MB21D2: variants seen among roughly 807,000 people sequenced by gnomAD.
MB21D2 encodes the protein Mab-21 domain containing 2.
A neutral mutation model predicts 33.3 loss-of-function variants in MB21D2; 9 were observed. That is an observed-to-expected ratio of 0.27 (90% CI 0.16 to 0.47). MB21D2 has a LOEUF of 0.47. Among genes scored for constraint, MB21D2 ranks in the 20% least tolerant of loss-of-function variants. The probability of loss-of-function intolerance (pLI) is 0.99; values close to 1 mark genes in which losing one functional copy is unlikely to be tolerated. For synonymous variants in MB21D2, 241 were observed against 236.3 expected, an observed-to-expected ratio of 1.02 and a Z score of -0.18; for missense variants, 540 against 624.6, an observed-to-expected ratio of 0.86 and a Z score of 1.44.
chr3:192,835,268 C>T (rs1712411018), intron 1 of MB21D2, among the ~76,000 whole-genome samples: 1 of 149,402 alleles, frequency 6.7e-6, no homozygotes, highest in Non-Finnish European at 1.5e-5. Context: ...TCCTGGCTAG[C>T]ACGGTGAAAC....
rs34835215 is a variant in MB21D2, at chr3:192,798,490, GTTTTTT to G, written c.1366_1371del (p.Lys456_Lys457del). 6.2e-7 allele frequency: 1 copy of G among 1,614,074 alleles called. No homozygotes were observed. ...GGGTTCTCAGTCACTAGCTGCTGCAGTTTTTTTGCCAAACGGTCATCAGGCTGGTTG... is the reference window on the plus strand; with the variant it reads ...GGGTTCTCAGTCACTAGCTGCTGCAGTGCCAAACGGTCATCAGGCTGGTTG... On this transcript the variant is annotated inframe_deletion, in exon 2 of 2. Coordinates refer to ENST00000392452, the MANE Select transcript of MB21D2 (RefSeq NM_178496.4). The surrounding 1 kb of genome is among the most constrained non-coding windows in gnomAD (Gnocchi z 4.8).
Position 192,799,682 on chromosome 3 carries a change from T to C in MB21D2, c.212-32A>G, listed in dbSNP as rs753299827. 27 of 1,587,734 alleles carry C rather than the reference T, an allele frequency of 1.7e-5. No homozygotes were observed. In the East Asian group the frequency reaches 6.1e-4, roughly 36 times the overall value. ...ATAAAGAAGAAAAAAACAACACTATTACAGGAAACACAGACATAAGAGTCT... is the reference window on the plus strand; with the variant it reads ...ATAAAGAAGAAAAAAACAACACTATCACAGGAAACACAGACATAAGAGTCT... On this transcript the variant is annotated intron_variant, in intron 1 of 1. Coordinates refer to ENST00000392452, the MANE Select transcript of MB21D2 (RefSeq NM_178496.4). The surrounding 1 kb of genome is among the most constrained non-coding windows in gnomAD (Gnocchi z 4.1).
intron 1 of MB21D2, among the ~76,000 whole-genome samples, chr3:192,874,822 G>A (rs749026674): frequency 6.6e-6 from 1 of 152,094 alleles, no homozygotes; most frequent in Admixed American, 6.6e-5. Context: ...TCCTCTGCAA[G>A]GTCAGTTGGG....
Position 192,895,666 on chromosome 3 carries a change from A to G in MB21D2, c.211+21964T>C, listed in dbSNP as rs114964305. Reference sequence around the variant, plus strand: ...TGGAAAATCTAGCTTTTGTTTATTTATAAGACATTTAGAAAATCACTAGAA... The same window carrying G: ...TGGAAAATCTAGCTTTTGTTTATTTGTAAGACATTTAGAAAATCACTAGAA... On this transcript the variant is annotated intron_variant, in intron 1 of 1. Coordinates refer to ENST00000392452, the MANE Select transcript of MB21D2 (RefSeq NM_178496.4). 3.1e-3 allele frequency among the ~76,000 whole-genome samples: 472 copies of G among 152,358 alleles called. 2 individuals are homozygous for G. Among genetic ancestry groups the G allele is most frequent in the African/African-American group, 0.011 (459 of 41,580 alleles).
At chr3:192,822,936 C>T (rs971416269) in intron 1 of MB21D2, among the ~76,000 whole-genome samples, 7 of 152,254 alleles carry the variant, frequency 4.6e-5, no homozygotes, top group East Asian at 3.9e-4. Flanking sequence ...CACCTGAAAA[C>T]GTGTAAACCT....
intron 1 of MB21D2, among the ~76,000 whole-genome samples, chr3:192,828,392 G>A (rs1343609971): frequency 6.6e-6 from 1 of 151,178 alleles, no homozygotes; most frequent in Non-Finnish European, 1.5e-5. Context: ...TGGGACAGGA[G>A]GCCAAGGATC....
At chr3:192,851,169 T>C (rs1187880875) in intron 1 of MB21D2, among the ~76,000 whole-genome samples, 1 of 152,108 alleles carries the variant, frequency 6.6e-6, no homozygotes, top group Non-Finnish European at 1.5e-5. Flanking sequence ...CACCATAGAA[T>C]AGAATTAAGC....
At chr3:192,884,571 G>C (rs552055763) in intron 1 of MB21D2, among the ~76,000 whole-genome samples, 2 of 152,086 alleles carry the variant, frequency 1.3e-5, no homozygotes, top group South Asian at 2.1e-4. Context: ...GTTTCACCGT[G>C]TTAGCCAGGA....
At chr3:192,807,443 A>C (rs1422742325) in intron 1 of MB21D2, among the ~76,000 whole-genome samples, 1 of 152,198 alleles carries the variant, frequency 6.6e-6, no homozygotes, top group Non-Finnish European at 1.5e-5. Context: ...GATCTTCCCA[A>C]GAACCCATAA....
intron 1 of MB21D2, among the ~76,000 whole-genome samples, chr3:192,801,853 A>G (rs538806362): frequency 2.1e-4 from 32 of 152,270 alleles, no homozygotes; most frequent in African/African-American, 6.0e-4. Context: ...TTAAAATCCT[A>G]TTTTCCAAAC....
chr3:192,838,978 G>A (rs1373918273), intron 1 of MB21D2, among the ~76,000 whole-genome samples: 1 of 152,132 alleles, frequency 6.6e-6, no homozygotes, highest in African/African-American at 2.4e-5. Flanking sequence ...AAAAGCCTGG[G>A]TTTGAGACCC....
At chr3:192,831,585 C>A (rs1388426690) in intron 1 of MB21D2, among the ~76,000 whole-genome samples, 1 of 152,084 alleles carries the variant, frequency 6.6e-6, no homozygotes, top group Non-Finnish European at 1.5e-5. Flanking sequence ...GTGAAAGGAG[C>A]CATGGCAGTT....
Position 192,798,891 on chromosome 3 carries a change from G to C in MB21D2, c.971C>G (p.Pro324Arg). The C allele has an allele frequency of 6.2e-7, 1 of 1,613,590 alleles. No homozygotes were observed. The highest frequency in any genetic ancestry group is 8.5e-7 in the Non-Finnish European group (1 of 1,179,786). Residue 324 changes from proline to arginine, a missense_variant, in exon 2 of 2, where the codon CCC (proline) becomes CGC (arginine). Transcript: ENST00000392452. This position sits in a 1 kb window ranked among gnomAD's most constrained non-coding sequence, Gnocchi z 4.8. The stretch of plus-strand genomic sequence containing the variant: ...CAGGTGATAGGGGCTAATAGCCTTG[G>C]GCCGGGACAGCAGTTTAATGATGAT... The part of the protein sequence containing the change: ...KAIIIKLLSR[P>R]KAISPYHLRS...
intron 1 of MB21D2, among the ~76,000 whole-genome samples, chr3:192,823,976 A>C (rs1712114884): frequency 6.6e-6 from 1 of 152,202 alleles, no homozygotes; most frequent in East Asian, 1.9e-4. Flanking sequence ...CATTTCAGGA[A>C]CTTGTTTTTG....
At chr3:192,843,658 T>C (rs2108626414) in intron 1 of MB21D2, among the ~76,000 whole-genome samples, 1 of 151,704 alleles carries the variant, frequency 6.6e-6, no homozygotes, top group Non-Finnish European at 1.5e-5. Context: ...GAAGAGAGAG[T>C]CCCTCTCCGC....
chr3:192,903,127 G>GA (rs1463823307), intron 1 of MB21D2, among the ~76,000 whole-genome samples: 39 of 152,224 alleles, frequency 2.6e-4, no homozygotes, highest in African/African-American at 8.9e-4. Context: ...TCCCTACCTT[G>GA]AAGCACAGCC....
At chr3:192,863,439 G>A in intron 1 of MB21D2, among the ~76,000 whole-genome samples, 1 of 152,156 alleles carries the variant, frequency 6.6e-6, no homozygotes, top group East Asian at 1.9e-4. Context: ...AATTGTGATG[G>A]GGCACTAACA....
chr3:192,812,207 C>T (rs1711804361), intron 1 of MB21D2, among the ~76,000 whole-genome samples: 1 of 151,942 alleles, frequency 6.6e-6, no homozygotes, highest in Admixed American at 6.6e-5. Flanking sequence ...GCCACCACGC[C>T]CGGCTAATTT....
chr3:192,893,197 A>C (rs929818104), intron 1 of MB21D2, among the ~76,000 whole-genome samples: 2 of 152,186 alleles, frequency 1.3e-5, no homozygotes, highest in Non-Finnish European at 2.9e-5. Context: ...CTCTTCTGAG[A>C]GCCACAGCCA....
Sources: allele counts gnomAD v4.1 joint callset (sites outside exome capture counted in the v4.1 genomes callset), GRCh38; gene constraint gnomAD v4.1.1; non-coding constraint Gnocchi (gnomAD v3.1); transcripts MANE v1.5; gene names NCBI Gene and HGNC (gene_info 2026-07-23, HGNC 2026-07-21).